The following PPP2R1B variants were observed in gnomAD, a reference collection of about 807,000 sequenced individuals.
PPP2R1B encodes protein phosphatase 2 scaffold subunit Abeta.
A neutral mutation model predicts 72.7 loss-of-function variants in PPP2R1B; 58 were observed. The ratio of observed to expected loss-of-function variants is 0.80; its 90% CI spans 0.65 to 0.99. PPP2R1B has a LOEUF of 0.99. Among genes scored for constraint, PPP2R1B ranks in the 50% least tolerant of loss-of-function variants. The probability of loss-of-function intolerance (pLI) is 0.00; values close to 1 mark genes in which losing one functional copy is unlikely to be tolerated. For synonymous variants in PPP2R1B, 256 were observed against 264.6 expected (o/e 0.97, Z 0.32); for missense variants, 695 against 733.6 (o/e 0.95, Z 0.61).
chr11:111,755,619 TCA>T (rs1202419047), intron 5 of PPP2R1B, among the ~76,000 whole-genome samples, 169 bp from the exon 6 acceptor site: 2 of 148,602 alleles, frequency 1.3e-5, no homozygotes, highest in African/African-American at 5.0e-5. Context: ...AGGCAGGGTC[TCA>T]CTCTGTCACC....
At chr11:111,743,838 CAG>C (rs1944608749) in intron 11 of PPP2R1B, among the ~76,000 whole-genome samples, 1 of 152,188 alleles carries the variant, frequency 6.6e-6, no homozygotes, top group African/African-American at 2.4e-5. Context: ...ATGCTCTTAT[CAG>C]AGAAATGAAA....
At chr11:111,734,402 T>C (rs891494737), downstream of PPP2R1B, among the ~76,000 whole-genome samples, 1 of 152,236 alleles carries the variant, frequency 6.6e-6, no homozygotes, top group Non-Finnish European at 1.5e-5. Flanking sequence ...TGAGAATCTA[T>C]GTCACAGGTA....
the PPP2R1B span, among the ~76,000 whole-genome samples, chr11:111,707,084 C>T: frequency 2.0e-5 from 3 of 151,808 alleles, no homozygotes; most frequent in African/African-American, 2.4e-5. Flanking sequence ...AATGGTATTG[C>T]TTTCAAGACC....
downstream of PPP2R1B, among the ~76,000 whole-genome samples, chr11:111,723,340 A>G (rs569783226): frequency 3.3e-5 from 5 of 152,330 alleles, no homozygotes; most frequent in South Asian, 1.0e-3. Flanking sequence ...TAGGTTTAAG[A>G]GACCCAACAC....
chr11:111,728,740 C>G (rs1173152410), intron 15 of PPP2R1B: 1 of 152,038 alleles, frequency 6.6e-6, no homozygotes, highest in Non-Finnish European at 1.5e-5. Context: ...CATCCTAACA[C>G]AGTGAAACGC....
Position 111,739,865 on chromosome 11 carries a change from T to C in PPP2R1B, c.*1731A>G. 1 of 979,876 alleles carries C rather than the reference T, an allele frequency of 1.0e-6. No homozygotes were observed. The highest frequency in any genetic ancestry group is 1.2e-6 in the Non-Finnish European group (1 of 824,876). The allele number at this position is 979,876 out of a possible 1,614,324, so 60.7% of individuals were successfully genotyped here. On this transcript the variant is annotated 3_prime_UTR_variant, in exon 15 of 15. Coordinates refer to ENST00000527614, the MANE Select transcript of PPP2R1B (RefSeq NM_002716.5). ...TGTGCTTAGGAAAATACTTAATTCT[T>C]GGCCCAAAGTCATAAAATAGAAACT...
At chr11:111,710,124 G>T in the PPP2R1B span, among the ~76,000 whole-genome samples, 4 of 152,214 alleles carry the variant, frequency 2.6e-5, no homozygotes, top group Admixed American at 6.5e-5. Context: ...ATGGGGGTAA[G>T]AAGAATGTAG....
At chr11:111,763,437 G>A (rs185041490) in intron 3 of PPP2R1B, among the ~76,000 whole-genome samples, 1 of 152,332 alleles carries the variant, frequency 6.6e-6, no homozygotes, top group East Asian at 1.9e-4. Context: ...ATAGCAGAGA[G>A]TGAGCCATCT....
chr11:111,713,046 T>C, the PPP2R1B span, among the ~76,000 whole-genome samples: 1 of 152,138 alleles, frequency 6.6e-6, no homozygotes, highest in Non-Finnish European at 1.5e-5. Flanking sequence ...ACACCTGTAA[T>C]CTGAGCTACT....
chr11:111,714,541 T>G, the PPP2R1B span, among the ~76,000 whole-genome samples: 854 of 152,274 alleles, frequency 5.6e-3, 5 homozygotes, highest in Non-Finnish European at 0.01. Flanking sequence ...AGGGAGGTGA[T>G]GAGGCCTGAA....
At chr11:111,749,046 T>C (rs1198684843) in intron 10 of PPP2R1B, among the ~76,000 whole-genome samples, 1 of 152,088 alleles carries the variant, frequency 6.6e-6, no homozygotes. Flanking sequence ...GGTTTCACCA[T>C]GTTGGCCAGG....
chr11:111,750,218 T>A (rs983685675), intron 10 of PPP2R1B, among the ~76,000 whole-genome samples: 4 of 152,088 alleles, frequency 2.6e-5, no homozygotes, highest in African/African-American at 9.7e-5. Flanking sequence ...AAATACAAAT[T>A]CAGGGGTTCA....
the PPP2R1B span, among the ~76,000 whole-genome samples, chr11:111,690,271 T>C: frequency 3.5e-4 from 48 of 137,030 alleles, no homozygotes; most frequent in Admixed American, 3.5e-3. Flanking sequence ...AGAAGGTCTT[T>C]CTTTTTTTTT....
At chr11:111,718,878 A>G in the PPP2R1B span, 1 of 152,002 alleles carries the variant, frequency 6.6e-6, no homozygotes, top group Admixed American at 6.6e-5. Flanking sequence ...GTAAATAATT[A>G]CCTCCTCACA....
At chr11:111,713,899 G>A in the PPP2R1B span, among the ~76,000 whole-genome samples, 1 of 152,144 alleles carries the variant, frequency 6.6e-6, no homozygotes, top group Admixed American at 6.5e-5. Flanking sequence ...CCCAGGAAGT[G>A]GAGGTTGCAG....
intron 15 of PPP2R1B, chr11:111,730,630 A>G (rs546257117): frequency 3.6e-4 from 55 of 152,256 alleles, no homozygotes; most frequent in African/African-American, 1.3e-3. Flanking sequence ...TGGTGAGTTC[A>G]GTAGCTTTGG....
chr11:111,762,449 A>G (rs1555051668), intron 3 of PPP2R1B, among the ~76,000 whole-genome samples: 2 of 151,888 alleles, frequency 1.3e-5, no homozygotes, highest in African/African-American at 4.8e-5. Context: ...GGATGAGGCC[A>G]TGCTCCTGAG....
rs782730147 is a variant in PPP2R1B at position 111,752,198 on chromosome 11, C to T, written c.1299G>A (p.Leu433=). 3.7e-6 allele frequency: 6 copies of T among 1,613,700 alleles called. No homozygotes were observed. The East Asian group carries it at 1.1e-4, about 30-fold the overall frequency. The part of the protein sequence containing the change: ...LAEDAKWRVR[L]AIIEYMPLLA... ...GCAGCGGCATATACTCAATGATGGC[C>T]AGGCGGACCCTCCATTTGGCATCTT... Residue 433 remains leucine, a synonymous_variant, in exon 10 of 15, where the codon CTG becomes CTA. Coordinates refer to ENST00000527614, the MANE Select transcript of PPP2R1B (RefSeq NM_002716.5).
Position 111,747,979 on chromosome 11 carries a change from T to C in PPP2R1B, c.1374A>G (p.Leu458=), listed in dbSNP as rs114336472. 3.7e-6 allele frequency: 6 copies of C among 1,613,400 alleles called. No homozygotes were observed. The highest frequency in any genetic ancestry group is 5.1e-6 in the Non-Finnish European group (6 of 1,179,796). The change falls in exon 11 of 15, where the codon TTA becomes TTG. Residue 458 remains leucine, a synonymous_variant. Coordinates refer to ENST00000527614, the MANE Select transcript of PPP2R1B (RefSeq NM_002716.5). ...CATGGTCCACGAGCCAAGCCATACA[T>C]AAAGAATTCAGCTTTTCATCAAAGA... The part of the protein sequence containing the change: ...VEFFDEKLNS[L]CMAWLVDHVY...
Sources: allele counts gnomAD v4.1 joint callset (sites outside exome capture counted in the v4.1 genomes callset), GRCh38; gene constraint gnomAD v4.1.1; transcripts MANE v1.5; gene names NCBI Gene and HGNC (gene_info 2026-07-23, HGNC 2026-07-21).